The following SULF1 variants were observed in gnomAD, a reference collection of about 807,000 sequenced individuals.
SULF1 encodes extracellular sulfatase Sulf-1.
SULF1 carries 46 observed loss-of-function variants against 110.5 expected under a neutral mutation model. The observed-to-expected ratio is 0.42, with a 90% CI of 0.33 to 0.53. The LOEUF is 0.53. Among genes scored for constraint, SULF1 ranks in the 20% least tolerant of loss-of-function variants. SULF1 has a pLI of 0.12. For missense variants in SULF1, 941 were observed against 1,094.2 expected (o/e 0.86, Z 1.98); for synonymous variants, 371 against 387.1 (o/e 0.96, Z 0.49).
chr8:69,565,342 T>C (rs1419755379), intron 5 of SULF1, among the ~76,000 whole-genome samples: 2 of 152,134 alleles, frequency 1.3e-5, no homozygotes, highest in Non-Finnish European at 2.9e-5. Context: ...TAAGTGGTGG[T>C]TTAAATGTTT....
At position 69,638,569 on chromosome 8, in the gene SULF1, G is replaced by A; in HGVS notation, c.2352G>A (p.Glu784=). ...ACTGGTGTTTGCGTACAGTTAATGA[G>A]ACGCATAATTTTCTTTTCTGTGAGT... ...NTYWCLRTVN[E]THNFLFCEFA... is the part of the protein sequence containing the mutation. Residue 784 remains glutamate, a synonymous_variant, in exon 20 of 23, where the codon GAG becomes GAA. Transcript: ENST00000402687. 6.2e-7 allele frequency: 1 copy of A among 1,614,042 alleles called. No individual in the cohort carries two copies. Among genetic ancestry groups the A allele is most frequent in the Non-Finnish European group, 8.5e-7 (1 of 1,179,966 alleles).
At chr8:69,591,861 A>G (rs1806933799) in intron 8 of SULF1, among the ~76,000 whole-genome samples, 1 of 152,198 alleles carries the variant, frequency 6.6e-6, no homozygotes, top group Non-Finnish European at 1.5e-5. Context: ...TGCTTTCACA[A>G]TACAACAGCC....
intron 3 of SULF1, among the ~76,000 whole-genome samples, chr8:69,550,558 G>A (rs1037181188): frequency 3.3e-5 from 5 of 152,028 alleles, no homozygotes; most frequent in African/African-American, 7.3e-5. Flanking sequence ...AGGAGCTGGC[G>A]ATAAAATGAG....
At chr8:69,532,832 C>G (rs920242918) in intron 3 of SULF1, among the ~76,000 whole-genome samples, 1 of 152,226 alleles carries the variant, frequency 6.6e-6, no homozygotes, top group African/African-American at 2.4e-5. Flanking sequence ...TCCCATCCTT[C>G]TCTCCCTCCT....
chr8:69,475,415 T>TAA (rs11376714), intron 1 of SULF1, among the ~76,000 whole-genome samples: 10 of 149,954 alleles, frequency 6.7e-5, no homozygotes, highest in African/African-American at 1.5e-4. Flanking sequence ...TCAAATAAAT[T>TAA]AAAAAAAAAA....
chr8:69,497,823 C>T (rs571577620), intron 2 of SULF1, among the ~76,000 whole-genome samples: 2 of 152,264 alleles, frequency 1.3e-5, no homozygotes, highest in South Asian at 2.1e-4. Flanking sequence ...TAAGTGCTAA[C>T]TGCAGTAACA....
Position 69,627,265 on chromosome 8 carries a change from G to C in SULF1, c.1906G>C (p.Ala636Pro). ...IHCERELYQS[A>P]RAWKDHKAYI... The stretch of plus-strand genomic sequence containing the variant: ...TTGTGAGAGAGAACTGTACCAATCG[G>C]CCAGAGCGTGGAAGGACCATAAGGC... The change falls in exon 16 of 23, where the codon GCC (alanine) becomes CCC (proline). Residue 636 changes from alanine (A) to proline (P), a missense_variant. Coordinates refer to ENST00000402687, the MANE Select transcript of SULF1 (RefSeq NM_001128205.2). The C allele has an allele frequency of 6.2e-7, 1 of 1,614,102 alleles. No individual in the cohort carries two copies. Among genetic ancestry groups the C allele is most frequent in the Non-Finnish European group, 8.5e-7 (1 of 1,179,996 alleles).
At chr8:69,533,834 G>T (rs1171209329) in intron 3 of SULF1, among the ~76,000 whole-genome samples, 1 of 152,042 alleles carries the variant, frequency 6.6e-6, no homozygotes, top group East Asian at 1.9e-4. Flanking sequence ...TCAAAATGTG[G>T]TTACTTTTTT....
At chr8:69,494,939 G>A (rs888311142) in intron 1 of SULF1, among the ~76,000 whole-genome samples, 3 of 152,052 alleles carry the variant, frequency 2.0e-5, no homozygotes, top group African/African-American at 7.2e-5. Flanking sequence ...AGAACTGCTG[G>A]GGGCACTGAG....
At chr8:69,475,514 G>A (rs192004020) in intron 1 of SULF1, among the ~76,000 whole-genome samples, 4 of 152,206 alleles carry the variant, frequency 2.6e-5, no homozygotes, top group African/African-American at 9.6e-5. Context: ...AATGCAACTT[G>A]GTGATTAGTC....
chr8:69,552,185 C>T (rs1303961892), intron 3 of SULF1, among the ~76,000 whole-genome samples: 4 of 152,178 alleles, frequency 2.6e-5, no homozygotes, highest in Admixed American at 6.5e-5. Context: ...AACCCCTACT[C>T]CACGTTATGA....
At chr8:69,550,238 G>A (rs1814596983) in intron 3 of SULF1, among the ~76,000 whole-genome samples, 1 of 151,746 alleles carries the variant, frequency 6.6e-6, no homozygotes. Flanking sequence ...ATCTTGAACA[G>A]ATCCCTAAAC....
At chr8:69,628,361 G>A (rs1810262190) in intron 18 of SULF1, 125 bp downstream of exon 18, 6 of 766,300 alleles carry the variant, frequency 7.8e-6, no homozygotes, top group Non-Finnish European at 1.3e-5. Context: ...ATCCATCTAG[G>A]AGGGCACCTA....
intron 9 of SULF1, among the ~76,000 whole-genome samples, chr8:69,600,999 A>T (rs1341338695): frequency 6.6e-6 from 1 of 150,722 alleles, no homozygotes; most frequent in Middle Eastern, 3.2e-3. Flanking sequence ...AAATCAAATC[A>T]GCGTAGATCA....
rs146435519 is a variant in SULF1 at position 69,621,136 on chromosome 8, C to T, written c.1479C>T (p.Tyr493=). ...LTVRQSTRNL[Y]ARGFHDKDKE... is the part of the protein sequence containing the mutation. ...TCCGGCAGAGCACGCGGAACCTCTA[C>T]GCTCGCGGCTTCCATGACAAAGACA... is the stretch of plus-strand genomic sequence containing the variant. The change falls in exon 14 of 23, where the codon TAC becomes TAT. Residue 493 remains tyrosine, a synonymous_variant. Coordinates refer to ENST00000402687, the MANE Select transcript of SULF1 (RefSeq NM_001128205.2). 80 of 1,614,042 alleles carry T rather than the reference C, an allele frequency of 5.0e-5. No homozygotes were observed. Among genetic ancestry groups the T allele is most frequent in the Non-Finnish European group, 6.1e-5 (72 of 1,180,028 alleles).
chr8:69,526,706 G>A (rs191466723), intron 3 of SULF1, among the ~76,000 whole-genome samples: 6 of 152,036 alleles, frequency 3.9e-5, no homozygotes, highest in East Asian at 3.9e-4. Flanking sequence ...TGGGAGGATC[G>A]CTTGAGCCCA....
intron 22 of SULF1, among the ~76,000 whole-genome samples, chr8:69,643,034 G>A (rs893239490): frequency 6.6e-6 from 1 of 152,116 alleles, no homozygotes; most frequent in African/African-American, 2.4e-5. Flanking sequence ...CCTTACCAGA[G>A]AGCAGATCTA....
chr8:69,504,946 C>T (rs1366353456), intron 3 of SULF1, among the ~76,000 whole-genome samples: 1 of 152,068 alleles, frequency 6.6e-6, no homozygotes, highest in Non-Finnish European at 1.5e-5. Context: ...AAAATGCTGC[C>T]CTGTGCATTT....
rs1813011734 is a variant in SULF1 at position 69,660,091 on chromosome 8, A to T, written c.*1556A>T. Reference sequence around the variant, plus strand: ...CTGCTCTCTCTGTGCCTAGCCTCAAAGCGTTCATCATACATCATACCTTTA... The same window carrying T: ...CTGCTCTCTCTGTGCCTAGCCTCAATGCGTTCATCATACATCATACCTTTA... On this transcript the variant is annotated 3_prime_UTR_variant, in exon 23 of 23. Transcript: ENST00000402687. 1 of 152,618 alleles carries T rather than the reference A, an allele frequency of 6.6e-6. No homozygotes were observed. The highest frequency in any genetic ancestry group is 2.1e-4 in the South Asian group (1 of 4,826). The allele number at this position is 152,618 out of a possible 1,614,324, so 9.5% of individuals were successfully genotyped here. A position where few individuals can be genotyped will look rare whatever the true frequency, so the allele number is the denominator to read the frequency against.
Sources: allele counts gnomAD v4.1 joint callset (sites outside exome capture counted in the v4.1 genomes callset), GRCh38; gene constraint gnomAD v4.1.1; transcripts MANE v1.5; gene names NCBI Gene and HGNC (gene_info 2026-07-23, HGNC 2026-07-21).